The following MED23 variants were observed in gnomAD, a reference collection of about 807,000 sequenced individuals.
MED23 encodes mediator complex subunit 23, also known as mediator of RNA polymerase II transcription subunit 23.
Under a neutral mutation model 163.9 loss-of-function variants are expected in MED23, and 105 were observed. The observed-to-expected ratio is 0.64, with a 90% CI of 0.55 to 0.75. MED23 has a LOEUF of 0.75. Among genes scored for constraint, MED23 ranks in the 30% least tolerant of loss-of-function variants. MED23 has a pLI of 0.00. For synonymous variants in MED23, 561 were observed against 565.6 expected (o/e 0.99, Z 0.12); for missense variants, 1,054 against 1,649.0 (o/e 0.64, Z 6.25).
chr6:131,592,277 T>C, intron 25 of MED23, 111 bp downstream of exon 25: 1 of 897,214 alleles, frequency 1.1e-6, no homozygotes, highest in Non-Finnish European at 1.8e-6. Context: ...ACTTCATTAA[T>C]TTGCATGACG....
At chr6:131,615,228 G>T in intron 10 of MED23, 2 of 1,444,490 alleles carry the variant, frequency 1.4e-6, no homozygotes, top group Non-Finnish European at 1.9e-6. Context: ...CCAATTTCAA[G>T]CCCCGACCAT....
chr6:131,574,271 C>T (rs200100607), exon 31 of MED23: 6 of 1,613,754 alleles, frequency 3.7e-6, no homozygotes, highest in Non-Finnish European at 5.1e-6. Context: ...AATTTGGAAC[C>T]CTTGCTGTGT....
At chr6:131,608,386 T>A (rs1214816590) in intron 11 of MED23, among the ~76,000 whole-genome samples, 1 of 152,200 alleles carries the variant, frequency 6.6e-6, no homozygotes, top group Non-Finnish European at 1.5e-5. Context: ...AAGTTGATCA[T>A]GTGTGCATGA....
intron 10 of MED23, among the ~76,000 whole-genome samples, chr6:131,611,990 G>C (rs1450742188): frequency 6.6e-6 from 1 of 151,932 alleles, no homozygotes; most frequent in African/African-American, 2.4e-5. Flanking sequence ...GATTTTAAAA[G>C]GAAAGCAAAA....
intron 11 of MED23, among the ~76,000 whole-genome samples, chr6:131,609,040 G>T (rs1247858426): frequency 4.6e-5 from 7 of 152,094 alleles, no homozygotes; most frequent in African/African-American, 1.7e-4. Context: ...CAGTGTACCT[G>T]ATCTCTGGCT....
At chr6:131,597,332 C>T (rs977970445) in intron 20 of MED23, among the ~76,000 whole-genome samples, 56 of 151,472 alleles carry the variant, frequency 3.7e-4, no homozygotes, top group Non-Finnish European at 6.6e-4. Context: ...AAAAATTAGC[C>T]GGGTGTGGTG....
intron 10 of MED23, 87 bp from the exon 11 acceptor site, chr6:131,610,333 G>C: frequency 7.7e-7 from 1 of 1,295,476 alleles, no homozygotes; most frequent in Non-Finnish European, 1.1e-6. Context: ...ATTGTAACAA[G>C]AGGCTGAGAA....
intron 9 of MED23, 149 bp from the exon 10 acceptor site, chr6:131,616,151 GT>G (rs1447208813): frequency 1.4e-6 from 1 of 691,180 alleles, no homozygotes; most frequent in Non-Finnish European, 2.5e-6. Flanking sequence ...TAGGATTTTA[GT>G]GCTTACAGTT....
At chr6:131,581,136 C>A in intron 30 of MED23, 1 of 1,424,534 alleles carries the variant, frequency 7.0e-7, no homozygotes, top group South Asian at 1.2e-5. Context: ...AAAGGAAAAC[C>A]AAGTGGGAGC....
chr6:131,619,956 G>A lies in MED23; in HGVS notation c.598-60C>T, dbSNP rs968119260. On this transcript the variant is annotated intron_variant, in intron 7 of 28. Coordinates refer to ENST00000368068, the MANE Select transcript of MED23 (RefSeq NM_004830.4). ...TACGTACAAAAGGAAAATTGAGACT[G>A]CCCCTGAAATATATGAACATTTATA... The A allele has an allele frequency of 8.0e-6, 8 of 1,000,968 alleles. No individual in the cohort carries two copies. In the African/African-American group the frequency reaches 1.1e-4, roughly 14 times the overall value. 62.0% of individuals were successfully genotyped at this position (1,000,968 alleles called of 1,614,324 possible). A position where few individuals can be genotyped will look rare whatever the true frequency, so the allele number is the denominator to read the frequency against.
At chr6:131,605,187 C>A in intron 14 of MED23, 53 bp downstream of exon 14, 1 of 1,580,194 alleles carries the variant, frequency 6.3e-7, no homozygotes, top group Non-Finnish European at 8.7e-7. Context: ...AAGGTTTATA[C>A]TATACTCGTA....
rs786205583 is a variant in MED23, at chr6:131,621,897, A to C, written c.479T>G (p.Leu160Arg). 8.1e-6 allele frequency: 13 copies of C among 1,607,470 alleles called. No individual in the cohort carries two copies. The highest frequency in any genetic ancestry group is 9.3e-6 in the Non-Finnish European group (11 of 1,176,832). ...CTAAATTACCTCTCTTGCTGCCAGA[A>C]GCTGCTGTACAACAGCAGAGCTCAC... ...NTVSSAVVQQ[L>R]LAAREVIAYI... The change falls in exon 6 of 29, where the codon CTT (leucine) becomes CGT (arginine). Residue 160 changes from leucine to arginine, a missense_variant. Coordinates refer to ENST00000368068, the MANE Select transcript of MED23 (RefSeq NM_004830.4).
At chr6:131,621,856 C>T (rs758353214) in intron 6 of MED23, 25 bp downstream of exon 6, 24 of 1,538,852 alleles carry the variant, frequency 1.6e-5, no homozygotes, top group African/African-American at 9.7e-5. Flanking sequence ...GTTATGATCA[C>T]GAATTTCAGA....
At chr6:131,609,141 C>G (rs1430292872) in intron 11 of MED23, among the ~76,000 whole-genome samples, 1 of 152,164 alleles carries the variant, frequency 6.6e-6, no homozygotes, top group Non-Finnish European at 1.5e-5. Flanking sequence ...GGCTTTGTAC[C>G]TGTCCATCGC....
At chr6:131,608,637 C>T (rs1776035513) in intron 11 of MED23, among the ~76,000 whole-genome samples, 1 of 152,094 alleles carries the variant, frequency 6.6e-6, no homozygotes. Flanking sequence ...AACTCCTGAA[C>T]TCAAGCAATC....
chr6:131,607,048 C>T (rs941983059), intron 12 of MED23, among the ~76,000 whole-genome samples: 3 of 151,754 alleles, frequency 2.0e-5, no homozygotes, highest in Admixed American at 6.6e-5. Context: ...CTAAGAAATA[C>T]GCAACCTAAA....
chr6:131,587,473 T>C lies in MED23; in HGVS notation c.*206A>G. ...TGAATATGAACAACATGTATCTTAC[T>C]TGATCTCTTAGAGACAAAAATATAG... On this transcript the variant is annotated 3_prime_UTR_variant, in exon 29 of 29. Coordinates refer to ENST00000368068, the MANE Select transcript of MED23 (RefSeq NM_004830.4). The C allele has an allele frequency of 7.1e-7, 1 of 1,407,672 alleles. No individual in the cohort carries two copies. 87.2% of individuals were successfully genotyped at this position (1,407,672 alleles called of 1,614,324 possible). A position where few individuals can be genotyped will look rare whatever the true frequency, so the allele number is the denominator to read the frequency against.
In MED23 at chr6:131,605,504, T is replaced by C. The variant is rs1467139215; in HGVS notation, c.1368-19A>G. ...CAGGAACCTAAATATTCACGTTCCA[T>C]TAAAAAGAAAAAATGAAAATAACTT... On this transcript the variant is annotated intron_variant, in intron 13 of 28. Transcript: ENST00000368068. 1 of 1,546,186 alleles carries C rather than the reference T, an allele frequency of 6.5e-7. No individual in the cohort carries two copies. The highest frequency in any genetic ancestry group is 1.4e-5 in the African/African-American group (1 of 71,940).
In MED23 at chr6:131,603,164, C is replaced by T. The variant is rs1409978951; in HGVS notation, c.1797G>A (p.Gly599=). ...LPTVFKSHAW[G]ILHTLLEMFS... ...ACATCTCAAGGAGTGTGTGTAAGAT[C>T]CCCCATGCATGTGATTTGAAAACAG... Residue 599 remains glycine, a synonymous_variant, in exon 16 of 29, where the codon GGG becomes GGA. Coordinates refer to ENST00000368068, the MANE Select transcript of MED23 (RefSeq NM_004830.4). 6.2e-7 allele frequency: 1 copy of T among 1,613,672 alleles called. No homozygotes were observed. The highest frequency in any genetic ancestry group is 8.5e-7 in the Non-Finnish European group (1 of 1,179,842).
Sources: allele counts gnomAD v4.1 joint callset (sites outside exome capture counted in the v4.1 genomes callset), GRCh38; gene constraint gnomAD v4.1.1; transcripts MANE v1.5; gene names NCBI Gene and HGNC (gene_info 2026-07-23, HGNC 2026-07-21).